Variants in EXOC6 observed in about 807,000 individuals in gnomAD.
EXOC6 encodes SEC15-like 1.
A neutral mutation model predicts 112.5 loss-of-function variants in EXOC6; 60 were observed. That is an observed-to-expected ratio of 0.53 (90% CI 0.43 to 0.66). The LOEUF (loss-of-function observed/expected upper bound fraction) is 0.66, where lower values mean the gene tolerates loss of function less well. Among genes scored for constraint, EXOC6 ranks in the 30% least tolerant of loss-of-function variants. The pLI, the probability that EXOC6 is intolerant of heterozygous loss-of-function variation, is 0.00. For synonymous variants in EXOC6, 295 were observed against 308.0 expected, an observed-to-expected ratio of 0.96 and a Z score of 0.44; for missense variants, 855 against 957.1, an observed-to-expected ratio of 0.89 and a Z score of 1.41.
At chr10:92,915,471 G>A (rs1043219222) in intron 6 of EXOC6, among the ~76,000 whole-genome samples, 3 of 149,722 alleles carry the variant, frequency 2.0e-5, no homozygotes, top group African/African-American at 7.4e-5. Flanking sequence ...TGGAGGCTGA[G>A]GTAGGAGGAT....
chr10:92,934,285 A>G (rs1334486093), intron 10 of EXOC6, 25 bp from the exon 11 acceptor site: 4 of 1,563,246 alleles, frequency 2.6e-6, no homozygotes, highest in Non-Finnish European at 3.4e-6. Context: ...TTTTTAACAC[A>G]TGCTTTGGTA....
At chr10:92,942,214 G>C (rs1429740848) in intron 13 of EXOC6, among the ~76,000 whole-genome samples, 1 of 152,078 alleles carries the variant, frequency 6.6e-6, no homozygotes, top group Non-Finnish European at 1.5e-5. Context: ...AACATAGTAA[G>C]ACCTTGTCTC....
intron 13 of EXOC6, among the ~76,000 whole-genome samples, chr10:92,947,129 G>A (rs1222994844): frequency 6.6e-6 from 1 of 152,150 alleles, no homozygotes; most frequent in African/African-American, 2.4e-5. Flanking sequence ...TGACAGTTAC[G>A]TTAGGACAGC....
chr10:92,856,030 A>G (rs991834585), intron 1 of EXOC6, among the ~76,000 whole-genome samples: 1 of 151,818 alleles, frequency 6.6e-6, no homozygotes, highest in African/African-American at 2.4e-5. Context: ...ATGCCTGGCT[A>G]ATTTTTATAT....
intron 9 of EXOC6, among the ~76,000 whole-genome samples, chr10:92,929,959 A>G (rs748860359): frequency 1.3e-5 from 2 of 152,220 alleles, no homozygotes; most frequent in Non-Finnish European, 2.9e-5. Flanking sequence ...ATAGAAATCC[A>G]CAGAGTCAAG....
intron 20 of EXOC6, among the ~76,000 whole-genome samples, chr10:93,026,914 T>A (rs1845053220): frequency 1.3e-5 from 2 of 152,186 alleles, no homozygotes; most frequent in African/African-American, 4.8e-5. Context: ...AAGAGCCACA[T>A]GTCTCTCACA....
At chr10:92,907,125 T>A (rs1850487045) in intron 5 of EXOC6, among the ~76,000 whole-genome samples, 1 of 152,178 alleles carries the variant, frequency 6.6e-6, no homozygotes, top group African/African-American at 2.4e-5. Flanking sequence ...GTAAAAATCA[T>A]GTATTTTACT....
chr10:92,920,928 G>A (rs953916947), intron 8 of EXOC6, among the ~76,000 whole-genome samples: 2 of 152,048 alleles, frequency 1.3e-5, no homozygotes, highest in African/African-American at 4.8e-5. Context: ...AGCACTATTG[G>A]CATAGCATGT....
At chr10:92,843,925 C>T (rs555804101), upstream of EXOC6, among the ~76,000 whole-genome samples, 1 of 138,832 alleles carries the variant, frequency 7.2e-6, no homozygotes, top group Middle Eastern at 4.1e-3. Flanking sequence ...TGCAGTGAGC[C>T]GAGACTGCAC....
chr10:92,882,543 T>G (rs1342157504), intron 1 of EXOC6, among the ~76,000 whole-genome samples: 1 of 48,342 alleles, frequency 2.1e-5, no homozygotes, highest in African/African-American at 7.3e-5. Context: ...AGGCTCTGTC[T>G]CAAAAAAAAA....
intron 6 of EXOC6, among the ~76,000 whole-genome samples, chr10:92,910,041 C>T (rs1409224875): frequency 6.6e-6 from 1 of 152,148 alleles, no homozygotes; most frequent in South Asian, 2.1e-4. Context: ...TTAAAAACTA[C>T]TACAGTTCAA....
At chr10:92,952,855 T>A (rs1853496277) in intron 15 of EXOC6, among the ~76,000 whole-genome samples, 1 of 152,110 alleles carries the variant, frequency 6.6e-6, no homozygotes, top group African/African-American at 2.4e-5. Context: ...AACATTGCTA[T>A]CAATGGGGAG....
intron 8 of EXOC6, among the ~76,000 whole-genome samples, chr10:92,926,590 G>C (rs1018990773): frequency 5.9e-5 from 9 of 151,892 alleles, no homozygotes; most frequent in Admixed American, 3.3e-4. Context: ...CTGGAGTGCA[G>C]TGGTATGATC....
intron 4 of EXOC6, among the ~76,000 whole-genome samples, chr10:92,898,529 G>A (rs1849960508): frequency 6.6e-6 from 1 of 152,000 alleles, no homozygotes; most frequent in South Asian, 2.1e-4. Context: ...TATGGAAATA[G>A]CATGAGGTAG....
chr10:92,885,201 C>T (rs1018285182), intron 1 of EXOC6, among the ~76,000 whole-genome samples: 1 of 151,946 alleles, frequency 6.6e-6, no homozygotes, highest in Non-Finnish European at 1.5e-5. Context: ...CTTTGGTTTT[C>T]AAGGGTTGAT....
intron 1 of EXOC6, among the ~76,000 whole-genome samples, chr10:92,880,512 C>T (rs1038570678): frequency 6.6e-6 from 1 of 152,092 alleles, no homozygotes; most frequent in African/African-American, 2.4e-5. Flanking sequence ...TAATTTATAT[C>T]CTCACAGCAC....
intron 19 of EXOC6, among the ~76,000 whole-genome samples, chr10:93,013,604 T>C (rs1305462203): frequency 6.6e-6 from 1 of 152,006 alleles, no homozygotes; most frequent in African/African-American, 2.4e-5. Flanking sequence ...TGAGACTCCG[T>C]CTCAAAAAAA....
intron 19 of EXOC6, among the ~76,000 whole-genome samples, chr10:93,007,069 C>G (rs1844021587): frequency 6.6e-6 from 1 of 151,746 alleles, no homozygotes; most frequent in South Asian, 2.1e-4. Context: ...TCTACATTCT[C>G]TGCCTTATGA....
chr10:93,022,016 T>C (rs1041855164), intron 20 of EXOC6, among the ~76,000 whole-genome samples: 3 of 152,176 alleles, frequency 2.0e-5, no homozygotes, highest in Admixed American at 2.0e-4. Context: ...GTTGGTTTAA[T>C]GGAGATTAAA....
Sources: gnomAD v4.1 joint callset for allele counts (sites outside exome capture counted in the v4.1 genomes callset) on GRCh38, gnomAD v4.1.1 for gene constraint, MANE v1.5 for transcripts, NCBI Gene and HGNC (gene_info 2026-07-23, HGNC 2026-07-21) for gene names.